The following ARPC4 variants were observed in gnomAD, a reference collection of about 807,000 sequenced individuals.
The protein encoded by ARPC4 is actin-related protein 2/3 complex subunit 4.
A neutral mutation model predicts 22.8 loss-of-function variants in ARPC4; 3 were observed. That is an observed-to-expected ratio of 0.13 (90% CI 0.06 to 0.34). The LOEUF is 0.34. Among genes scored for constraint, ARPC4 ranks in the 10% least tolerant of loss-of-function variants. The pLI is 1.00. For synonymous variants in ARPC4, 80 were observed against 72.5 expected, an observed-to-expected ratio of 1.10 and a Z score of -0.52; for missense variants, 98 against 211.0, an observed-to-expected ratio of 0.46 and a Z score of 3.32.
chr3:9,806,279 G>A lies in ARPC4; in HGVS notation c.*64G>A. ...ACCCATGTCTCCACGAAGGCGTCCT[G>A]GAGTCACTCCCCGAGCAGCGCGGCG... On this transcript the variant is annotated 3_prime_UTR_variant, in exon 6 of 6. Coordinates refer to ENST00000397261, the MANE Select transcript of ARPC4 (RefSeq NM_005718.5). The A allele has an allele frequency of 6.3e-7, 1 of 1,575,354 alleles. No individual in the cohort carries two copies. Among genetic ancestry groups the A allele is most frequent in the Non-Finnish European group, 8.7e-7 (1 of 1,144,786 alleles).
chr3:9,798,542 C>T (rs1426058863), intron 2 of ARPC4, among the ~76,000 whole-genome samples: 8 of 151,906 alleles, frequency 5.3e-5, no homozygotes, highest in Non-Finnish European at 7.4e-5. Context: ...GCCAACATTG[C>T]GACAGTGCAC....
chr3:9,806,406 C>T lies in ARPC4; in HGVS notation c.*191C>T, dbSNP rs190461340. 121 of 664,964 alleles carry T rather than the reference C, an allele frequency of 1.8e-4. No homozygotes were observed. The highest frequency in any genetic ancestry group is 7.8e-4 in the Middle Eastern group (2 of 2,568). 41.2% of individuals were successfully genotyped at this position (664,964 alleles called of 1,614,324 possible). On this transcript the variant is annotated 3_prime_UTR_variant, in exon 6 of 6. Coordinates refer to ENST00000397261, the MANE Select transcript of ARPC4 (RefSeq NM_005718.5). ...GCAGTGGACCTGCCCCAAGGCCACA[C>T]GTGCCTGGTCAGGCTGGCTTCTGAT...
chr3:9,800,305 A>T lies in ARPC4; in HGVS notation c.234+9A>T. The T allele has an allele frequency of 1.2e-6, 2 of 1,613,524 alleles. No homozygotes were observed. The highest frequency in any genetic ancestry group is 1.7e-6 in the Non-Finnish European group (2 of 1,179,814). On this transcript the variant is annotated intron_variant, in intron 3 of 5. Transcript: ENST00000397261. ...GCATTGCTGTGAAACAGGTAAGTTC[A>T]CCATGGAGGAGGCCCAACGTAAGGC...
chr3:9,793,321 A>T, intron 1 of ARPC4, 197 bp downstream of exon 1: 1 of 1,118,434 alleles, frequency 8.9e-7, no homozygotes, highest in East Asian at 2.8e-5. Flanking sequence ...ACTCCCTGGT[A>T]TGAAGTGGGC....
rs1559731536 is a variant in ARPC4, at chr3:9,806,919, T to G, written c.*704T>G. 6.5e-6 allele frequency: 1 copy of G among 152,692 alleles called. No homozygotes were observed. Among genetic ancestry groups the G allele is most frequent in the Non-Finnish European group, 1.5e-5 (1 of 68,380 alleles). The allele number at this position is 152,692 out of a possible 1,614,324, so 9.5% of individuals were successfully genotyped here. ...AGTTGAGAGGGGCCGCTGTTTCGCC[T>G]TGTCCGTCAGTGCCAGTGCCTGTGC... On this transcript the variant is annotated 3_prime_UTR_variant, in exon 6 of 6. Transcript: ENST00000397261.
chr3:9,798,339 TTTA>T (rs2078939503), intron 2 of ARPC4, among the ~76,000 whole-genome samples: 1 of 152,096 alleles, frequency 6.6e-6, no homozygotes, highest in African/African-American at 2.4e-5. Context: ...ATCCGAGCAC[TTTA>T]GGAGGCTGAA....
In ARPC4 at chr3:9,801,754, G is replaced by A; in HGVS notation, c.328G>A (p.Glu110Lys). The A allele has an allele frequency of 1.3e-6, 2 of 1,598,204 alleles. No homozygotes were observed. The highest frequency in any genetic ancestry group is 1.1e-5 in the South Asian group (1 of 89,100). ...CTTTATCCTTCGAAGGAAGCCTGTG[G>A]AGGTGAGACCCTGTGACCCATGAGT... ...NFFILRRKPV[E>K]GYDISFLITN... is the part of the protein sequence containing the mutation. The change falls in exon 4 of 6, where the codon GAG becomes AAG. Residue 110 changes from glutamate to lysine, a missense_variant and splice_region_variant. Coordinates refer to ENST00000397261, the MANE Select transcript of ARPC4 (RefSeq NM_005718.5).
chr3:9,800,159 A>G (rs759189646), intron 2 of ARPC4, 26 bp from the exon 3 acceptor site: 6 of 1,612,024 alleles, frequency 3.7e-6, no homozygotes, highest in East Asian at 2.2e-5. Flanking sequence ...CTGTAGTACA[A>G]GTACTCTGTC....
In ARPC4 at chr3:9,806,704, T is replaced by G; in HGVS notation, c.*489T>G. 5.8e-6 allele frequency: 1 copy of G among 172,916 alleles called. No homozygotes were observed. The highest frequency in any genetic ancestry group is 1.2e-5 in the Non-Finnish European group (1 of 80,934). 10.7% of individuals were successfully genotyped at this position (172,916 alleles called of 1,614,324 possible). A position where few individuals can be genotyped will look rare whatever the true frequency, so the allele number is the denominator to read the frequency against. ...GACTCCAGTTTCTCCCTTGCCCTTT[T>G]ATTCCCAAGCCTCCTTGGCCCCAGT... On this transcript the variant is annotated 3_prime_UTR_variant, in exon 6 of 6. Transcript: ENST00000397261.
At chr3:9,795,358 C>T (rs1272209242) in intron 1 of ARPC4, among the ~76,000 whole-genome samples, 3 of 152,150 alleles carry the variant, frequency 2.0e-5, no homozygotes, top group African/African-American at 7.2e-5. Context: ...ATACTCTTTG[C>T]TTGTGATACA....
At chr3:9,795,736 G>A (rs2078868868) in intron 1 of ARPC4, among the ~76,000 whole-genome samples, 2 of 152,192 alleles carry the variant, frequency 1.3e-5, no homozygotes, top group African/African-American at 2.4e-5. Context: ...ATATAGCTGT[G>A]AATAAAATAG....
intron 2 of ARPC4, among the ~76,000 whole-genome samples, chr3:9,799,261 A>C (rs2078959532): frequency 6.6e-6 from 1 of 152,202 alleles, no homozygotes; most frequent in Non-Finnish European, 1.5e-5. Context: ...CTGTATTCCT[A>C]AATGGTATAT....
At chr3:9,794,119 G>C (rs2078824188) in intron 1 of ARPC4, among the ~76,000 whole-genome samples, 2 of 151,758 alleles carry the variant, frequency 1.3e-5, no homozygotes, top group South Asian at 4.2e-4. Flanking sequence ...CAAGTTTATT[G>C]AGGTATTACA....
At chr3:9,801,072 G>A (rs953157805) in intron 3 of ARPC4, among the ~76,000 whole-genome samples, 8 of 151,738 alleles carry the variant, frequency 5.3e-5, no homozygotes, top group Admixed American at 1.3e-4. Flanking sequence ...TTAGCCAGGC[G>A]TGGTGGCACG....
chr3:9,796,725 A>C (rs575382143), intron 1 of ARPC4, among the ~76,000 whole-genome samples: 1 of 152,236 alleles, frequency 6.6e-6, no homozygotes, highest in South Asian at 2.1e-4. Context: ...GCAGATTACA[A>C]GGTCAGGAGA....
At position 9,806,598 on chromosome 3, in the gene ARPC4, G is replaced by C; in HGVS notation, c.*383G>C. 3.8e-6 allele frequency: 1 copy of C among 265,374 alleles called. No individual in the cohort carries two copies. Among genetic ancestry groups the C allele is most frequent in the Non-Finnish European group, 7.2e-6 (1 of 138,560 alleles). The allele number at this position is 265,374 out of a possible 1,614,324, so 16.4% of individuals were successfully genotyped here. ...TGATTATACGTTATTGGTTGCTGTG[G>C]GTCTGGGCGGGCCTGGAGCCAGAAG... On this transcript the variant is annotated 3_prime_UTR_variant, in exon 6 of 6. Transcript: ENST00000397261.
At chr3:9,800,050 C>A in intron 2 of ARPC4, 135 bp from the exon 3 acceptor site, 2 of 846,372 alleles carry the variant, frequency 2.4e-6, no homozygotes, top group Non-Finnish European at 1.9e-6. Flanking sequence ...TGGCCCCCAT[C>A]TTGGAGCACT....
Position 9,796,297 on chromosome 3 carries a change from A to G in ARPC4, c.4-1362A>G, listed in dbSNP as rs75226819. Among the ~76,000 whole-genome samples, 64 of 152,220 alleles carry G rather than the reference A, an allele frequency of 4.2e-4. 1 individual carries two copies. Among genetic ancestry groups the G allele is most frequent in the Admixed American group, 6.5e-4 (10 of 15,286 alleles). Reference sequence around the variant, plus strand: ...TAATCCCAGCTACTCGGGAGGCTGAAGCAGGAGAATCGCTTTAACCCAGGA... The same window carrying G: ...TAATCCCAGCTACTCGGGAGGCTGAGGCAGGAGAATCGCTTTAACCCAGGA... On this transcript the variant is annotated intron_variant, in intron 1 of 5. Transcript: ENST00000397261.
intron 4 of ARPC4, among the ~76,000 whole-genome samples, chr3:9,803,036 A>C (rs1425352199): frequency 6.6e-6 from 1 of 151,820 alleles, no homozygotes; most frequent in African/African-American, 2.4e-5. Context: ...GGTGCCCGCC[A>C]CCATTCCCGG....
Sources: gnomAD v4.1 joint callset for allele counts (sites outside exome capture counted in the v4.1 genomes callset) on GRCh38, gnomAD v4.1.1 for gene constraint, MANE v1.5 for transcripts, NCBI Gene and HGNC (gene_info 2026-07-23, HGNC 2026-07-21) for gene names.